IL1RAPL1: variants seen among roughly 807,000 people sequenced by gnomAD.
The protein encoded by IL1RAPL1 is interleukin-1 receptor accessory protein-like 1.
IL1RAPL1 carries 3 observed loss-of-function variants against 48.4 expected under a neutral mutation model. The observed-to-expected ratio is 0.06, with a 90% confidence interval of 0.03 to 0.16. The LOEUF (loss-of-function observed/expected upper bound fraction) is 0.16. Among genes scored for constraint, IL1RAPL1 ranks in the 10% least tolerant of loss-of-function variants. The pLI is 1.00. For synonymous variants in IL1RAPL1, 185 were observed against 187.7 expected (o/e 0.99, Z 0.12); for missense variants, 349 against 530.6 (o/e 0.66, Z 3.36).
At chrX:28,891,260 G>T (rs1242020365) in intron 2 of IL1RAPL1, among the ~76,000 whole-genome samples, 1 of 111,514 alleles carries the variant, frequency 9.0e-6, no homozygotes, top group Non-Finnish European at 1.9e-5. Context: ...GTTTATTAAG[G>T]ACCGTGTGTC....
intron 5 of IL1RAPL1, among the ~76,000 whole-genome samples, chrX:29,660,772 T>G (rs1211347313): frequency 8.9e-6 from 1 of 112,060 alleles, no homozygotes; most frequent in Non-Finnish European, 1.9e-5. Context: ...GTGTGATGCC[T>G]CCAACTTTGT....
intron 2 of IL1RAPL1, among the ~76,000 whole-genome samples, chrX:29,265,823 A>T (rs917471743): frequency 9.1e-6 from 1 of 109,905 alleles, no homozygotes; most frequent in Non-Finnish European, 1.9e-5. Flanking sequence ...ATGGCTGCAC[A>T]GTATTCCATG....
chrX:29,446,026 A>G (rs769693214), intron 5 of IL1RAPL1, among the ~76,000 whole-genome samples: 1 of 112,436 alleles, frequency 8.9e-6, no homozygotes, highest in South Asian at 3.7e-4. Context: ...GCTCAAATTG[A>G]GAGAAAATTA....
At chrX:29,875,750 C>T (rs1444314114) in intron 6 of IL1RAPL1, among the ~76,000 whole-genome samples, 1 of 111,874 alleles carries the variant, frequency 8.9e-6, no homozygotes, top group Non-Finnish European at 1.9e-5. Context: ...GGAAAAAGGG[C>T]AGGAAGTAAT....
At chrX:29,476,571 ATAAAT>A (rs1934976679) in intron 5 of IL1RAPL1, among the ~76,000 whole-genome samples, 1 of 111,301 alleles carries the variant, frequency 9.0e-6, no homozygotes, top group Non-Finnish European at 1.9e-5. Flanking sequence ...TAATGAACTA[ATAAAT>A]TAAAAGTGTT....
At chrX:28,905,918 A>G (rs1355932987) in intron 2 of IL1RAPL1, among the ~76,000 whole-genome samples, 1 of 111,912 alleles carries the variant, frequency 8.9e-6, no homozygotes, top group African/African-American at 3.2e-5. Context: ...GAAGGCAAGT[A>G]TATTATTAGT....
intron 6 of IL1RAPL1, among the ~76,000 whole-genome samples, chrX:29,806,779 T>C (rs756537711): frequency 8.6e-4 from 96 of 111,910 alleles, no homozygotes; most frequent in Non-Finnish European, 1.5e-3. Flanking sequence ...GGTTTGACTA[T>C]GTGTCTCCAC....
chrX:29,175,518 C>T (rs1052254291), intron 2 of IL1RAPL1, among the ~76,000 whole-genome samples: 2 of 110,545 alleles, frequency 1.8e-5, no homozygotes, highest in African/African-American at 6.6e-5. Context: ...ATGAGAATTG[C>T]GAGGATTTAG....
At chrX:29,834,492 ATTTTTTT>A (rs34399580) in intron 6 of IL1RAPL1, among the ~76,000 whole-genome samples, 7 of 72,797 alleles carry the variant, frequency 9.6e-5, no homozygotes, top group Non-Finnish European at 1.9e-4. Flanking sequence ...AAGAAAAAGG[ATTTTTTT>A]TTTTTTTTTT....
At chrX:29,816,980 A>G (rs764533170) in intron 6 of IL1RAPL1, among the ~76,000 whole-genome samples, 77 of 104,987 alleles carry the variant, frequency 7.3e-4, no homozygotes, top group Middle Eastern at 4.9e-3. Flanking sequence ...ATGTGTGTGT[A>G]TATATATATA....
chrX:29,633,470 CA>C (rs1924856096), intron 5 of IL1RAPL1, among the ~76,000 whole-genome samples: 1 of 85,266 alleles, frequency 1.2e-5, no homozygotes. Flanking sequence ...TATATATATA[CA>C]CACACACACA....
chrX:28,700,307 C>T (rs1300096100), intron 1 of IL1RAPL1, among the ~76,000 whole-genome samples: 1 of 110,668 alleles, frequency 9.0e-6, no homozygotes, highest in Admixed American at 9.7e-5. Flanking sequence ...AGATTATATA[C>T]AATGAACATC....
intron 2 of IL1RAPL1, among the ~76,000 whole-genome samples, chrX:28,800,023 A>G (rs1367550984): frequency 9.0e-6 from 1 of 111,278 alleles, no homozygotes; most frequent in Non-Finnish European, 1.9e-5. Flanking sequence ...AATAAAATTT[A>G]TTGTCTCACA....
intron 2 of IL1RAPL1, among the ~76,000 whole-genome samples, chrX:28,820,892 T>C (rs989434458): frequency 2.7e-5 from 3 of 110,895 alleles, no homozygotes; most frequent in African/African-American, 9.8e-5. Context: ...ATGCTTCGAG[T>C]TGGCTGAAAC....
At chrX:29,571,694 AT>A (rs1922602060) in intron 5 of IL1RAPL1, among the ~76,000 whole-genome samples, 1 of 111,643 alleles carries the variant, frequency 9.0e-6, no homozygotes, top group Non-Finnish European at 1.9e-5. Context: ...CATTTCAGTA[AT>A]TGTTTTGTGG....
At chrX:28,739,692 A>G (rs1935885220) in intron 1 of IL1RAPL1, among the ~76,000 whole-genome samples, 1 of 111,171 alleles carries the variant, frequency 9.0e-6, no homozygotes, top group Non-Finnish European at 1.9e-5. Flanking sequence ...GGTACCTTAT[A>G]CTTTCTATAA....
At chrX:29,226,202 A>G (rs1036083941) in intron 2 of IL1RAPL1, among the ~76,000 whole-genome samples, 5 of 111,901 alleles carry the variant, frequency 4.5e-5, no homozygotes, top group Non-Finnish European at 9.4e-5. Context: ...GTTGTTGTGT[A>G]CAATATTTAT....
At chrX:28,711,396 A>G (rs973202009) in intron 1 of IL1RAPL1, among the ~76,000 whole-genome samples, 12 of 111,709 alleles carry the variant, frequency 1.1e-4, no homozygotes, top group African/African-American at 3.9e-4. Flanking sequence ...TGAGATTGCT[A>G]TTATACCCCC....
intron 2 of IL1RAPL1, among the ~76,000 whole-genome samples, chrX:29,185,691 GGTGATTTACAAT>G (rs1449112476): frequency 2.7e-5 from 3 of 111,595 alleles, no homozygotes; most frequent in African/African-American, 9.8e-5. Context: ...TGGATGTCAA[GGTGATTTACAAT>G]GTAACAGAGA....
Sources: gnomAD v4.1 joint callset for allele counts (sites outside exome capture counted in the v4.1 genomes callset) on GRCh38, gnomAD v4.1.1 for gene constraint, MANE v1.5 for transcripts, NCBI Gene and HGNC (gene_info 2026-07-23, HGNC 2026-07-21) for gene names.